LPIN1: variants seen among roughly 807,000 people sequenced by gnomAD.
LPIN1 encodes lipin 1, also known as phosphatidate phosphatase LPIN1.
Under a neutral mutation model 107.5 loss-of-function variants are expected in LPIN1, and 71 were observed. That is an observed-to-expected ratio of 0.66 (90% CI 0.55 to 0.80). The LOEUF (loss-of-function observed/expected upper bound fraction) is 0.80. Among genes scored for constraint, LPIN1 ranks in the 30% least tolerant of loss-of-function variants. LPIN1 has a pLI of 0.00. For missense variants in LPIN1, 1,043 were observed against 1,160.6 expected (o/e 0.90, Z 1.47); for synonymous variants, 445 against 452.6 (o/e 0.98, Z 0.21).
chr2:11,784,370 C>T (rs531165859), intron 9 of LPIN1: 39 of 1,123,594 alleles, frequency 3.5e-5, no homozygotes, highest in East Asian at 2.0e-4. Context: ...TTGTGAAATG[C>T]GCCTGCTCTA....
At chr2:11,810,372 T>A (rs1426031854) in intron 17 of LPIN1, among the ~76,000 whole-genome samples, 1 of 149,422 alleles carries the variant, frequency 6.7e-6, no homozygotes, top group African/African-American at 2.4e-5. Context: ...TCACCACAGG[T>A]GGAAGTAGGA....
intron 1 of LPIN1, among the ~76,000 whole-genome samples, chr2:11,680,935 G>A (rs1284412123): frequency 2.0e-5 from 3 of 152,200 alleles, no homozygotes; most frequent in Non-Finnish European, 4.4e-5. Flanking sequence ...TGAAAATGTA[G>A]TTGTCTCATC....
intron 1 of LPIN1, among the ~76,000 whole-genome samples, chr2:11,705,784 T>G (rs1558735229): frequency 6.6e-6 from 1 of 152,206 alleles, no homozygotes; most frequent in Non-Finnish European, 1.5e-5. Flanking sequence ...CATGCTTTTT[T>G]TATATTTACT....
At chr2:11,776,287 C>A in intron 6 of LPIN1, 94 bp downstream of exon 6, 1 of 730,598 alleles carries the variant, frequency 1.4e-6, no homozygotes, top group Non-Finnish European at 2.2e-6. Context: ...AACCAAATTA[C>A]TTATGAAGAA....
chr2:11,774,754 A>C lies in LPIN1; in HGVS notation c.722+1009A>C, dbSNP rs1346941728. 6.6e-6 allele frequency among the ~76,000 whole-genome samples: 1 copy of C among 152,118 alleles called. No homozygotes were observed. The highest frequency in any genetic ancestry group is 1.5e-5 in the Non-Finnish European group (1 of 68,024). On this transcript the variant is annotated intron_variant, in intron 5 of 20. Coordinates refer to ENST00000674199, the MANE Select transcript of LPIN1 (RefSeq NM_001349206.2). This position sits in a 1 kb window ranked among gnomAD's most constrained non-coding sequence, Gnocchi z 4.4. Reference sequence around the variant, plus strand: ...GCAGCAGTCCCCAGTGTGTGCTGACATGGAGGTTGGAGAGAAAATAGATAT... The same window carrying C: ...GCAGCAGTCCCCAGTGTGTGCTGACCTGGAGGTTGGAGAGAAAATAGATAT...
chr2:11,740,683 CG>C (rs1331741975), intron 1 of LPIN1, among the ~76,000 whole-genome samples: 3 of 45,950 alleles, frequency 6.5e-5, no homozygotes, highest in Non-Finnish European at 4.3e-5. Context: ...GGCTCTATCT[CG>C]AAAAAAAAAA....
intron 2 of LPIN1, among the ~76,000 whole-genome samples, chr2:11,715,343 C>T (rs1395887855): frequency 6.6e-6 from 1 of 152,204 alleles, no homozygotes; most frequent in Non-Finnish European, 1.5e-5. Context: ...CCACCCTGCA[C>T]AGAGCTGGGC....
At chr2:11,721,263 C>CTTGT (rs1237831666), upstream of LPIN1, among the ~76,000 whole-genome samples, 1 of 129,808 alleles carries the variant, frequency 7.7e-6, no homozygotes, top group African/African-American at 2.9e-5. Flanking sequence ...GTACTGCATG[C>CTTGT]GTGTGTGTGT....
intron 17 of LPIN1, among the ~76,000 whole-genome samples, chr2:11,807,435 G>A (rs148883873): frequency 1.1e-3 from 160 of 152,146 alleles, no homozygotes; most frequent in African/African-American, 3.6e-3. Flanking sequence ...GTAGTGCACA[G>A]CTGATTCATT....
At chr2:11,758,928 G>A (rs1669087763) in intron 1 of LPIN1, among the ~76,000 whole-genome samples, 1 of 152,224 alleles carries the variant, frequency 6.6e-6, no homozygotes, top group East Asian at 1.9e-4. Context: ...TTGAGAACAA[G>A]AGAGCAGAGC....
intron 17 of LPIN1, among the ~76,000 whole-genome samples, chr2:11,807,302 C>T (rs1051447143): frequency 1.3e-5 from 2 of 152,190 alleles, no homozygotes; most frequent in African/African-American, 4.8e-5. Flanking sequence ...CACAGCCTCA[C>T]CACGGGCTGA....
chr2:11,758,006 G>A (rs947039539), intron 1 of LPIN1, among the ~76,000 whole-genome samples: 2 of 152,176 alleles, frequency 1.3e-5, no homozygotes, highest in Non-Finnish European at 2.9e-5. Flanking sequence ...GCTCATGTAA[G>A]TAGAGTCATA....
chr2:11,690,934 T>G (rs1662237103), intron 1 of LPIN1, among the ~76,000 whole-genome samples: 2 of 152,166 alleles, frequency 1.3e-5, no homozygotes, highest in Non-Finnish European at 2.9e-5. Flanking sequence ...CATTATCAGA[T>G]TGTTCAATAA....
intron 14 of LPIN1, among the ~76,000 whole-genome samples, chr2:11,798,788 AAG>A (rs912990798): frequency 1.4e-4 from 22 of 152,154 alleles, no homozygotes; most frequent in African/African-American, 5.3e-4. Flanking sequence ...AAAAAAAAAA[AAG>A]GTGTCAGAAT....
rs997481996 is a variant in LPIN1 at position 11,697,278 on chromosome 2, C to T, written c.82-16478C>T. ...TGCTTCTGGATACAACCGCACTACC[C>T]AGATGCTTCCTGGCCTCGCCCAGCT... On this transcript the variant is annotated intron_variant, in intron 1 of 21. Transcript: ENST00000449576. This position sits in a 1 kb window ranked among gnomAD's most constrained non-coding sequence, Gnocchi z 4.6. 6.6e-6 allele frequency among the ~76,000 whole-genome samples: 1 copy of T among 152,266 alleles called. No homozygotes were observed. Among genetic ancestry groups the T allele is most frequent in the Non-Finnish European group, 1.5e-5 (1 of 68,044 alleles).
chr2:11,798,252 G>A (rs1462726574), intron 14 of LPIN1, among the ~76,000 whole-genome samples: 1 of 152,138 alleles, frequency 6.6e-6, no homozygotes, highest in Non-Finnish European at 1.5e-5. Flanking sequence ...TGTGAGAACG[G>A]ACTAATACAG....
chr2:11,824,820 T>C lies in LPIN1; in HGVS notation c.*29T>C. ...GTCCCAAGCAGCCTCTTGCCAGCAGTGCAGAGCCTGGTTGTCACCCATTAA... is the reference window on the plus strand; with the variant it reads ...GTCCCAAGCAGCCTCTTGCCAGCAGCGCAGAGCCTGGTTGTCACCCATTAA... On this transcript the variant is annotated 3_prime_UTR_variant, in exon 21 of 21. Transcript: ENST00000674199. 1.2e-5 allele frequency: 19 copies of C among 1,613,830 alleles called. No individual in the cohort carries two copies. The highest frequency in any genetic ancestry group is 1.6e-5 in the Non-Finnish European group (19 of 1,179,854).
upstream of LPIN1, among the ~76,000 whole-genome samples, chr2:11,742,436 T>G (rs903545443): frequency 3.9e-5 from 6 of 152,184 alleles, no homozygotes; most frequent in Non-Finnish European, 8.8e-5. Flanking sequence ...CTGGAGAATG[T>G]GAGACTTGAG....
chr2:11,819,268 G>A (rs1681125092), intron 18 of LPIN1: 1 of 550,680 alleles, frequency 1.8e-6, no homozygotes, highest in Non-Finnish European at 3.2e-6. Context: ...TTGGTGAAAT[G>A]GCTCATCCTT....
Sources: gnomAD v4.1 joint callset for allele counts (sites outside exome capture counted in the v4.1 genomes callset) on GRCh38, gnomAD v4.1.1 for gene constraint, Gnocchi (gnomAD v3.1) non-coding constraint, MANE v1.5 for transcripts, NCBI Gene and HGNC (gene_info 2026-07-23, HGNC 2026-07-21) for gene names.